FNBP1L: variants seen among roughly 807,000 people sequenced by gnomAD.
The protein encoded by FNBP1L is formin-binding protein 1-like.
FNBP1L carries 36 observed loss-of-function variants against 91.2 expected under a neutral mutation model. The observed-to-expected ratio is 0.39, with a 90% CI of 0.30 to 0.52. The LOEUF (loss-of-function observed/expected upper bound fraction) is 0.52. Among genes scored for constraint, FNBP1L ranks in the 20% least tolerant of loss-of-function variants. FNBP1L has a pLI of 0.66. For synonymous variants in FNBP1L, 242 were observed against 237.0 expected (o/e 1.02, Z -0.19); for missense variants, 571 against 732.1 (o/e 0.78, Z 2.54).
chr1:93,491,515 C>T (rs1482350418), intron 1 of FNBP1L, among the ~76,000 whole-genome samples: 5 of 152,144 alleles, frequency 3.3e-5, no homozygotes, highest in African/African-American at 4.8e-5. Context: ...TCAGCCTCCC[C>T]GGTAGCTAGG....
intron 1 of FNBP1L, among the ~76,000 whole-genome samples, chr1:93,498,946 A>G (rs562876723): frequency 6.6e-6 from 1 of 152,184 alleles, no homozygotes; most frequent in Non-Finnish European, 1.5e-5. Flanking sequence ...GAACTCAGGT[A>G]TGTTTGATTT....
chr1:93,543,984 TTG>T, intron 11 of FNBP1L, 121 bp from the exon 12 acceptor site: 2 of 566,642 alleles, frequency 3.5e-6, no homozygotes, highest in Admixed American at 3.8e-5. Context: ...TTTTAAGGGG[TTG>T]CTTGAGGCAA....
intron 16 of FNBP1L, 26 bp from the exon 17 acceptor site, chr1:93,552,383 C>G: frequency 6.2e-7 from 1 of 1,608,090 alleles, no homozygotes; most frequent in Non-Finnish European, 8.5e-7. Flanking sequence ...AGTAATTGTT[C>G]TTTTCTTTTT....
intron 2 of FNBP1L, among the ~76,000 whole-genome samples, chr1:93,512,917 G>A (rs1025846830): frequency 5.3e-5 from 8 of 151,740 alleles, no homozygotes; most frequent in African/African-American, 7.3e-5. Context: ...AGAAATAACT[G>A]AAATCAGAGC....
At chr1:93,465,078 G>T (rs1669025301) in intron 1 of FNBP1L, among the ~76,000 whole-genome samples, 1 of 151,946 alleles carries the variant, frequency 6.6e-6, no homozygotes. Flanking sequence ...CTAAGGCTGA[G>T]AGAATTATGC....
At chr1:93,551,216 T>G (rs1211188550) in intron 16 of FNBP1L, 111 bp downstream of exon 16, 1 of 1,388,544 alleles carries the variant, frequency 7.2e-7, no homozygotes, top group African/African-American at 1.4e-5. Flanking sequence ...TAAGGAAACT[T>G]AAAGGGCATC....
chr1:93,508,281 G>A (rs1670703388), intron 2 of FNBP1L, among the ~76,000 whole-genome samples: 1 of 152,070 alleles, frequency 6.6e-6, no homozygotes, highest in Non-Finnish European at 1.5e-5. Context: ...CCCAGGAGGT[G>A]GAGGTTTTAG....
chr1:93,472,306 A>AT, intron 1 of FNBP1L, among the ~76,000 whole-genome samples: 1 of 152,280 alleles, frequency 6.6e-6, no homozygotes, highest in East Asian at 1.9e-4. Context: ...TAATCTAATG[A>AT]TTTTTGAATA....
intron 10 of FNBP1L, 29 bp from the exon 11 acceptor site, chr1:93,541,013 T>C: frequency 6.5e-7 from 1 of 1,535,034 alleles, no homozygotes; most frequent in Non-Finnish European, 8.7e-7. Context: ...AATTTACCAT[T>C]TCTTTCTGTT....
chr1:93,465,237 G>A (rs1419444367), intron 1 of FNBP1L, among the ~76,000 whole-genome samples: 2 of 151,476 alleles, frequency 1.3e-5, no homozygotes, highest in East Asian at 3.9e-4. Flanking sequence ...AAGTTCTAGG[G>A]TACATGTGCA....
chr1:93,512,754 C>G (rs1670907485), intron 2 of FNBP1L, among the ~76,000 whole-genome samples: 1 of 152,028 alleles, frequency 6.6e-6, no homozygotes, highest in African/African-American at 2.4e-5. Context: ...ACCAGAGTCT[C>G]TGGGACGCAT....
chr1:93,456,157 G>A (rs945000899), intron 1 of FNBP1L, among the ~76,000 whole-genome samples: 6 of 152,118 alleles, frequency 3.9e-5, no homozygotes, highest in African/African-American at 9.7e-5. Context: ...TTTAGAATCT[G>A]TATGGAGCCC....
chr1:93,486,951 T>C (rs1669932005), intron 1 of FNBP1L, among the ~76,000 whole-genome samples: 2 of 152,206 alleles, frequency 1.3e-5, no homozygotes, highest in African/African-American at 2.4e-5. Flanking sequence ...TTTAGCTATT[T>C]TTCATATCCT....
intron 1 of FNBP1L, among the ~76,000 whole-genome samples, chr1:93,484,171 C>G (rs1669817490): frequency 6.6e-6 from 1 of 152,226 alleles, no homozygotes. Context: ...TTGTGATCCT[C>G]CCGCCTTGGC....
intron 1 of FNBP1L, among the ~76,000 whole-genome samples, chr1:93,449,043 C>T (rs1668385970): frequency 1.3e-5 from 2 of 152,230 alleles, no homozygotes; most frequent in Admixed American, 6.5e-5. Context: ...GCTAATTTTA[C>T]CAAAAGGAGC....
At chr1:93,519,933 A>T (rs1229862410) in intron 2 of FNBP1L, among the ~76,000 whole-genome samples, 1 of 152,154 alleles carries the variant, frequency 6.6e-6, no homozygotes, top group Non-Finnish European at 1.5e-5. Context: ...TGAAGTGCTA[A>T]TGCTTTCATC....
intron 16 of FNBP1L, chr1:93,552,050 G>A (rs1408639149): frequency 8.7e-6 from 9 of 1,036,826 alleles, no homozygotes; most frequent in Non-Finnish European, 1.0e-5. Flanking sequence ...TGGGTTAGAG[G>A]AAGATATGTG....
intron 8 of FNBP1L, among the ~76,000 whole-genome samples, chr1:93,534,315 A>G (rs776347425): frequency 6.6e-6 from 1 of 152,120 alleles, no homozygotes; most frequent in African/African-American, 2.4e-5. Flanking sequence ...GTTGACATCT[A>G]TCTTTTAAAG....
chr1:93,552,546 A>AT lies in FNBP1L; in HGVS notation c.*140dup, dbSNP rs879166612. The AT allele has an allele frequency of 2.1e-3, 1,769 of 824,546 alleles. No homozygotes were observed. The highest frequency in any genetic ancestry group is 6.1e-3 in the South Asian group (195 of 31,920). 51.1% of individuals were successfully genotyped at this position (824,546 alleles called of 1,614,324 possible). ...AGTTGCATGAGTGCATGCAGACATG[A>AT]TTTTTTTTTTACTAACTTCATTAGC... is the stretch of plus-strand genomic sequence containing the variant. On this transcript the variant is annotated 3_prime_UTR_variant, in exon 17 of 17. Coordinates refer to ENST00000271234, the MANE Select transcript of FNBP1L (RefSeq NM_001164473.3).
Sources: gnomAD v4.1 joint callset for allele counts (sites outside exome capture counted in the v4.1 genomes callset) on GRCh38, gnomAD v4.1.1 for gene constraint, MANE v1.5 for transcripts, NCBI Gene and HGNC (gene_info 2026-07-23, HGNC 2026-07-21) for gene names.